Variants in STS observed in about 807,000 individuals in gnomAD.
STS encodes the protein steryl-sulfatase.
STS carries 7 observed loss-of-function variants against 26.8 expected under a neutral mutation model. The ratio of observed to expected loss-of-function variants is 0.26; its 90% CI spans 0.15 to 0.49. The LOEUF (loss-of-function observed/expected upper bound fraction) is 0.49, where lower values mean the gene tolerates loss of function less well. Among genes scored for constraint, STS ranks in the 20% least tolerant of loss-of-function variants. The pLI, the probability that STS is intolerant of heterozygous loss-of-function variation, is 0.98. For missense variants in STS, 434 were observed against 465.6 expected (o/e 0.93, Z 0.63); for synonymous variants, 199 against 189.4 (o/e 1.05, Z -0.42).
At chrX:7,184,480 T>TC (rs746415460) in intron 1 of STS, among the ~76,000 whole-genome samples, 3 of 112,448 alleles carry the variant, frequency 2.7e-5, no homozygotes, top group Admixed American at 1.9e-4. Flanking sequence ...CTTCTGTAAA[T>TC]CAGGGATGTG....
At chrX:7,339,857 A>G (rs921062229) in intron 10 of STS, among the ~76,000 whole-genome samples, 1 of 111,087 alleles carries the variant, frequency 9.0e-6, no homozygotes, top group Admixed American at 9.6e-5. Context: ...GGAACTTCAT[A>G]TTACCTTATA....
intron 2 of STS, among the ~76,000 whole-genome samples, chrX:7,232,047 T>C (rs1972553): frequency 0.36 from 39,742 of 110,612 alleles, 5,283 homozygotes; most frequent in East Asian, 0.4. Context: ...ATTGTCAGCT[T>C]TTGCTTTCTG....
intron 10 of STS, among the ~76,000 whole-genome samples, chrX:7,338,878 C>G (rs1928153339): frequency 9.0e-6 from 1 of 110,926 alleles, no homozygotes; most frequent in South Asian, 3.8e-4. Context: ...GAATATGCAT[C>G]AATAAAAAGT....
intron 6 of STS, among the ~76,000 whole-genome samples, chrX:7,265,180 C>T (rs1233670094): frequency 9.0e-6 from 1 of 110,750 alleles, no homozygotes; most frequent in African/African-American, 3.3e-5. Context: ...GATGGAGCGG[C>T]GCTCTTGGGC....
At chrX:7,260,128 G>A (rs375468593) in intron 6 of STS, among the ~76,000 whole-genome samples, 1 of 112,387 alleles carries the variant, frequency 8.9e-6, no homozygotes, top group East Asian at 2.8e-4. Flanking sequence ...GCCCGCCTCG[G>A]CCTCCCAAAG....
chrX:7,284,229 G>A (rs964256714), intron 7 of STS, among the ~76,000 whole-genome samples: 9 of 111,610 alleles, frequency 8.1e-5, no homozygotes, highest in African/African-American at 2.9e-4. Flanking sequence ...TCAAAATTGA[G>A]GCTTGAAAAT....
chrX:7,247,883 A>T (rs1165352159), intron 2 of STS, among the ~76,000 whole-genome samples: 1 of 112,101 alleles, frequency 8.9e-6, no homozygotes, highest in East Asian at 2.8e-4. Flanking sequence ...ATTTAATGCA[A>T]TTCATGACCT....
chrX:7,215,207 G>C (rs1003824857), intron 2 of STS, among the ~76,000 whole-genome samples: 3 of 103,726 alleles, frequency 2.9e-5, no homozygotes, highest in African/African-American at 1.1e-4. Flanking sequence ...ATTTGGGCTG[G>C]TTCCACATTT....
chrX:7,300,989 T>A (rs1191803049), intron 7 of STS, among the ~76,000 whole-genome samples: 1 of 110,912 alleles, frequency 9.0e-6, no homozygotes, highest in Non-Finnish European at 1.9e-5. Context: ...GGCCTTGGCT[T>A]TGGGGATAAG....
At chrX:7,148,156 G>GCGCGCACCCGCCGGCCCCGCGCA in intron 1 of STS, 73 bp downstream of exon 1, 1 of 956,913 alleles carries the variant, frequency 1.0e-6, no homozygotes, top group Non-Finnish European at 1.4e-6. Flanking sequence ...GAGGAAGTGC[G>GCGCGCACCCGCCGGCCCCGCGCA]CGCGCACCCG....
chrX:7,177,984 G>T (rs802894), intron 1 of STS, among the ~76,000 whole-genome samples: 1 of 108,641 alleles, frequency 9.2e-6, no homozygotes, highest in Non-Finnish European at 1.9e-5. Flanking sequence ...GAGAGACAGG[G>T]TCTCGCTATG....
At chrX:7,198,605 C>T (rs960765483) in intron 2 of STS, among the ~76,000 whole-genome samples, 1 of 111,819 alleles carries the variant, frequency 8.9e-6, no homozygotes, top group African/African-American at 3.2e-5. Flanking sequence ...ATTTTTGTTT[C>T]CATGTTAACA....
At position 7,352,684 on chromosome X, in the gene STS, T is replaced by A. The variant is rs1231548578; in HGVS notation, c.*2423T>A. 1.8e-5 allele frequency: 2 copies of A among 111,509 alleles called. No individual in the cohort carries two copies. The highest frequency in any genetic ancestry group is 1.9e-5 in the Non-Finnish European group (1 of 53,146). 9.2% of individuals were successfully genotyped at this position (111,509 alleles called of 1,213,427 possible). ...CATTCATATTACCTGTGGAGTTGCA[T>A]ATCCAAACCTTAGTGAGTTTTGAAG... is the stretch of plus-strand genomic sequence containing the variant. On this transcript the variant is annotated 3_prime_UTR_variant, in exon 11 of 11. Transcript: ENST00000674429.
At chrX:7,225,189 G>A (rs1416876973) in intron 2 of STS, among the ~76,000 whole-genome samples, 1 of 111,721 alleles carries the variant, frequency 9.0e-6, no homozygotes, top group Non-Finnish European at 1.9e-5. Flanking sequence ...TCACTGGACT[G>A]AATGTAGCTC....
chrX:7,250,169 C>T (rs1412109949), intron 2 of STS, among the ~76,000 whole-genome samples: 3 of 110,711 alleles, frequency 2.7e-5, no homozygotes, highest in Non-Finnish European at 5.7e-5. Context: ...CTCCCCCAGT[C>T]CTCCCTGCTC....
chrX:7,222,466 A>G (rs1601663883), intron 2 of STS, among the ~76,000 whole-genome samples: 2 of 89,644 alleles, frequency 2.2e-5, no homozygotes, highest in Admixed American at 2.9e-4. Context: ...TTCAATTAGG[A>G]CCCCTCCCCA....
chrX:7,299,562 A>G (rs1215235163), intron 7 of STS, among the ~76,000 whole-genome samples: 1 of 109,376 alleles, frequency 9.1e-6, no homozygotes, highest in Non-Finnish European at 1.9e-5. Context: ...TCATATATAT[A>G]TAGTGACTTC....
Position 7,204,840 on chromosome X carries a change from C to G in STS, c.-5+13832C>G, listed in dbSNP as rs757234384. ...TTTCCATCCCTTCTTCCCTCCTCCC[C>G]TCCTTCCTTCCTCTTTGCTTGCCTC... On this transcript the variant is annotated intron_variant, in intron 2 of 10. Transcript: ENST00000674429. Among the ~76,000 whole-genome samples, 7 of 105,764 alleles carry G rather than the reference C, an allele frequency of 6.6e-5. 1 individual carries two copies. The South Asian group carries it at 3.1e-3, about 46-fold the overall frequency. The allele number at this position is 105,764 out of a possible 115,157, so 91.8% of individuals were successfully genotyped here.
At position 7,324,412 on chromosome X, in the gene STS, T is replaced by A. The variant is rs562418497; in HGVS notation, c.1082-927T>A. 7.1e-4 allele frequency among the ~76,000 whole-genome samples: 79 copies of A among 111,453 alleles called. No homozygotes were observed. In the South Asian group the frequency reaches 0.012, roughly 17 times the overall value. On this transcript the variant is annotated intron_variant, in intron 8 of 10. Transcript: ENST00000674429. ...AAAAGATACCAGACTCTTGGTCAGT[T>A]CTCTCCCGGATCAGGGAGAAGACCC...
Sources: allele counts gnomAD v4.1 joint callset (sites outside exome capture counted in the v4.1 genomes callset), GRCh38; gene constraint gnomAD v4.1.1; transcripts MANE v1.5; gene names NCBI Gene and HGNC (gene_info 2026-07-23, HGNC 2026-07-21).